ZFHX3: variants seen among roughly 807,000 people sequenced by gnomAD.
The protein encoded by ZFHX3 is zinc finger homeobox protein 3.
In ZFHX3, 42 loss-of-function variants were observed where a neutral mutation model predicts 279.1. That is an observed-to-expected ratio of 0.15 (90% CI 0.12 to 0.19). ZFHX3 has a LOEUF of 0.19. Among genes scored for constraint, ZFHX3 ranks in the 10% least tolerant of loss-of-function variants. ZFHX3 has a pLI of 1.00. For missense variants in ZFHX3, 4,981 were observed against 4,754.0 expected (o/e 1.05, Z -1.40); for synonymous variants, 2,293 against 1,957.8 (o/e 1.17, Z -4.52).
chr16:73,793,693 T>A (rs1959902174), intron 1 of ZFHX3, among the ~76,000 whole-genome samples: 1 of 152,190 alleles, frequency 6.6e-6, no homozygotes, highest in African/African-American at 2.4e-5. Context: ...AGCATCTATT[T>A]TTTTTTCCAA....
intron 1 of ZFHX3, among the ~76,000 whole-genome samples, chr16:73,753,927 G>T (rs1431686420): frequency 6.6e-6 from 1 of 151,364 alleles, no homozygotes; most frequent in African/African-American, 2.4e-5. Flanking sequence ...TTCAGTGTTT[G>T]TTGTGTCTTT....
At chr16:73,743,276 C>T (rs1313539787) in intron 1 of ZFHX3, among the ~76,000 whole-genome samples, 4 of 152,204 alleles carry the variant, frequency 2.6e-5, no homozygotes, top group Non-Finnish European at 2.9e-5. Flanking sequence ...GATCATTTCA[C>T]AGCATTCTAC....
chr16:73,292,582 G>A (rs1177431669), intron 4 of ZFHX3, among the ~76,000 whole-genome samples: 1 of 152,212 alleles, frequency 6.6e-6, no homozygotes, highest in East Asian at 1.9e-4. Context: ...ATGTCCATCA[G>A]CTCCTTTCAA....
chr16:72,846,656 C>T (rs774422967), intron 4 of ZFHX3, among the ~76,000 whole-genome samples: 1 of 152,252 alleles, frequency 6.6e-6, no homozygotes, highest in Non-Finnish European at 1.5e-5. Context: ...GTGTGGGGGA[C>T]AACCTGCACG....
chr16:73,762,805 G>T (rs913147973), intron 1 of ZFHX3, among the ~76,000 whole-genome samples: 1 of 152,054 alleles, frequency 6.6e-6, no homozygotes, highest in African/African-American at 2.4e-5. Context: ...GGAGGGGAAT[G>T]ACACAGATTG....
intron 5 of ZFHX3, among the ~76,000 whole-genome samples, chr16:73,223,783 C>T (rs562902476): frequency 1.3e-5 from 2 of 152,038 alleles, no homozygotes; most frequent in Admixed American, 6.6e-5. Context: ...TCATAATTGC[C>T]GAAACTTGAG....
intron 4 of ZFHX3, among the ~76,000 whole-genome samples, chr16:73,267,620 C>T (rs2014014375): frequency 6.6e-6 from 1 of 152,154 alleles, no homozygotes; most frequent in South Asian, 2.1e-4. Flanking sequence ...TGACCACCTG[C>T]CATGAAACCT....
intron 3 of ZFHX3, among the ~76,000 whole-genome samples, chr16:72,894,973 A>G (rs977748391): frequency 6.6e-6 from 1 of 152,208 alleles, no homozygotes; most frequent in Non-Finnish European, 1.5e-5. Flanking sequence ...GTGTAATTTT[A>G]AAAAGAAAAC....
chr16:73,581,659 C>CTTTTTT lies in ZFHX3; in HGVS notation c.-1547+98515_-1547+98520dup, dbSNP rs11286052. On this transcript the variant is annotated intron_variant, in intron 2 of 17. Coordinates refer to the ZFHX3 transcript ENST00000641206. Reference sequence around the variant, plus strand: ...GTCAAGCATAAAACTTCGAATGTCTCTTTTTTTTTTTTTTTTTTTTTTTTT... The same window carrying CTTTTTT: ...GTCAAGCATAAAACTTCGAATGTCTCTTTTTTTTTTTTTTTTTTTTTTTTTTTTTTT... 1.8e-3 allele frequency among the ~76,000 whole-genome samples: 129 copies of CTTTTTT among 73,438 alleles called. 3 individuals are homozygous for CTTTTTT. Among genetic ancestry groups the CTTTTTT allele is most frequent in the East Asian group, 2.3e-3 (7 of 3,030 alleles). The allele number at this position is 73,438 out of a possible 152,430, so 48.2% of individuals were successfully genotyped here.
At chr16:73,226,301 C>A (rs1351509197) in intron 5 of ZFHX3, among the ~76,000 whole-genome samples, 1 of 152,194 alleles carries the variant, frequency 6.6e-6, no homozygotes, top group Non-Finnish European at 1.5e-5. Context: ...AATAAGACAG[C>A]GCGGAACTCT....
chr16:72,936,908 G>C (rs1960154739), intron 3 of ZFHX3, among the ~76,000 whole-genome samples: 1 of 152,130 alleles, frequency 6.6e-6, no homozygotes, highest in South Asian at 2.1e-4. Context: ...ATGGGGGCTG[G>C]CCTGGGAGGG....
intron 7 of ZFHX3, among the ~76,000 whole-genome samples, chr16:73,111,945 C>T (rs1195723308): frequency 6.6e-6 from 1 of 152,036 alleles, no homozygotes; most frequent in Non-Finnish European, 1.5e-5. Context: ...CTTAGTCCTT[C>T]CTGACTCCAA....
At chr16:73,025,697 A>G (rs1964473671) in intron 1 of ZFHX3, among the ~76,000 whole-genome samples, 1 of 152,124 alleles carries the variant, frequency 6.6e-6, no homozygotes, top group South Asian at 2.1e-4. Flanking sequence ...TCCCAGCCAG[A>G]GTATTGTCAG....
At chr16:72,945,130 T>C (rs1040645023) in intron 3 of ZFHX3, among the ~76,000 whole-genome samples, 1 of 152,050 alleles carries the variant, frequency 6.6e-6, no homozygotes, top group African/African-American at 2.4e-5. Context: ...GAGTGTGAAA[T>C]ACAACCTATT....
At chr16:72,903,708 T>G (rs560553086) in intron 3 of ZFHX3, among the ~76,000 whole-genome samples, 67 of 152,268 alleles carry the variant, frequency 4.4e-4, no homozygotes, top group African/African-American at 1.6e-3. Flanking sequence ...ATGAAATGGG[T>G]CGCACTACTG....
rs114536694 is a variant in ZFHX3 at position 72,967,210 on chromosome 16, C to T, written c.-49-7016G>A. 9.2e-3 allele frequency among the ~76,000 whole-genome samples: 1,400 copies of T among 152,276 alleles called. 18 individuals are homozygous for T. Among genetic ancestry groups the T allele is most frequent in the African/African-American group, 0.031 (1,304 of 41,560 alleles). On this transcript the variant is annotated intron_variant, in intron 1 of 9. Coordinates refer to ENST00000268489, the MANE Select transcript of ZFHX3 (RefSeq NM_006885.4). ...AGACGTGTCTGGTGTAACCATTCTCCACAAAATGGAACTGGGGCTCCTTGG... is the reference window on the plus strand; with the variant it reads ...AGACGTGTCTGGTGTAACCATTCTCTACAAAATGGAACTGGGGCTCCTTGG...
chr16:73,037,166 C>T (rs568953849), intron 1 of ZFHX3, among the ~76,000 whole-genome samples: 171 of 152,306 alleles, frequency 1.1e-3, no homozygotes, highest in African/African-American at 3.9e-3. Context: ...CAAGAACATA[C>T]GTTTTCCAAA....
At chr16:73,049,482 G>T (rs939246303), upstream of ZFHX3, among the ~76,000 whole-genome samples, 2 of 152,196 alleles carry the variant, frequency 1.3e-5, no homozygotes, top group African/African-American at 4.8e-5. Flanking sequence ...CGTATAGAAG[G>T]CTTTTTGCAC....
intron 2 of ZFHX3, among the ~76,000 whole-genome samples, chr16:73,471,215 GC>G (rs1221271970): frequency 6.6e-6 from 1 of 152,196 alleles, no homozygotes; most frequent in Non-Finnish European, 1.5e-5. Context: ...AACTGGTACA[GC>G]TTTTGCTCTT....
Sources: gnomAD v4.1 joint callset for allele counts (sites outside exome capture counted in the v4.1 genomes callset) on GRCh38, gnomAD v4.1.1 for gene constraint, MANE v1.5 for transcripts, NCBI Gene and HGNC (gene_info 2026-07-23, HGNC 2026-07-21) for gene names.